Variants in IL1RAPL1 observed in about 807,000 individuals in gnomAD.
IL1RAPL1 encodes interleukin-1 receptor accessory protein-like 1.
IL1RAPL1 carries 3 observed loss-of-function variants against 48.4 expected under a neutral mutation model. The ratio of observed to expected loss-of-function variants is 0.06; its 90% CI spans 0.03 to 0.16. The LOEUF (loss-of-function observed/expected upper bound fraction) is 0.16, where lower values mean the gene tolerates loss of function less well. Among genes scored for constraint, IL1RAPL1 ranks in the 10% least tolerant of loss-of-function variants. The pLI is 1.00. For synonymous variants in IL1RAPL1, 185 were observed against 187.7 expected, an observed-to-expected ratio of 0.99 and a Z score of 0.12; for missense variants, 349 against 530.6, an observed-to-expected ratio of 0.66 and a Z score of 3.36.
intron 2 of IL1RAPL1, among the ~76,000 whole-genome samples, chrX:29,236,783 A>C (rs1394354345): frequency 9.8e-6 from 1 of 102,153 alleles, no homozygotes; most frequent in Non-Finnish European, 2.0e-5. Context: ...GTTAGCCAGG[A>C]TGGTCTCGAT....
At chrX:29,242,352 A>G in intron 2 of IL1RAPL1, among the ~76,000 whole-genome samples, 1 of 112,346 alleles carries the variant, frequency 8.9e-6, no homozygotes, top group Non-Finnish European at 1.9e-5. Context: ...GCCCCATTTA[A>G]AGATGACATT....
At chrX:28,885,208 AATT>A (rs1922599202) in intron 2 of IL1RAPL1, among the ~76,000 whole-genome samples, 2 of 111,632 alleles carry the variant, frequency 1.8e-5, no homozygotes, top group Non-Finnish European at 3.8e-5. Flanking sequence ...TAATCATTAT[AATT>A]ATTATAATCA....
intron 3 of IL1RAPL1, among the ~76,000 whole-genome samples, chrX:29,387,126 A>G (rs1014705043): frequency 9.8e-5 from 11 of 111,849 alleles, no homozygotes; most frequent in Non-Finnish European, 1.7e-4. Flanking sequence ...AGTGGTGAAG[A>G]AAGTCAAGTA....
chrX:29,528,723 C>T (rs114202600), intron 5 of IL1RAPL1, among the ~76,000 whole-genome samples: 2,558 of 111,651 alleles, frequency 0.023, 45 homozygotes, highest in African/African-American at 0.048. Context: ...TTTTTATTAA[C>T]GCAAAGGAAA....
chrX:29,910,081 A>T lies in IL1RAPL1; in HGVS notation c.779-7383A>T, dbSNP rs150996455. 4.2e-3 allele frequency among the ~76,000 whole-genome samples: 474 copies of T among 111,899 alleles called. 3 individuals carry two copies. Among genetic ancestry groups the T allele is most frequent in the Middle Eastern group, 0.028 (6 of 216 alleles). ...CATGGAATACTATGCAGCCATCAAA[A>T]AGAATGATATCATGTCCTTTGCAGC... is the stretch of plus-strand genomic sequence containing the variant. On this transcript the variant is annotated intron_variant, in intron 6 of 10. Transcript: ENST00000378993.
At chrX:29,117,143 A>C (rs181036936) in intron 2 of IL1RAPL1, among the ~76,000 whole-genome samples, 8 of 111,571 alleles carry the variant, frequency 7.2e-5, no homozygotes, top group African/African-American at 2.6e-4. Context: ...AAGAGACAGA[A>C]ACAAAACTGT....
At chrX:29,260,331 T>C (rs1235686299) in intron 2 of IL1RAPL1, among the ~76,000 whole-genome samples, 2 of 111,948 alleles carry the variant, frequency 1.8e-5, no homozygotes, top group South Asian at 7.4e-4. Flanking sequence ...ACAGAGTAAT[T>C]TATAAAGGAA....
chrX:29,430,742 A>T (rs1934412611), intron 5 of IL1RAPL1, among the ~76,000 whole-genome samples: 1 of 109,949 alleles, frequency 9.1e-6, no homozygotes, highest in African/African-American at 3.3e-5. Flanking sequence ...ATATATTTGT[A>T]TTTCGTGTGT....
intron 2 of IL1RAPL1, among the ~76,000 whole-genome samples, chrX:29,240,214 ATATATATATATTTTTTTTTTTTTTT>A (rs1931388450): frequency 7.8e-5 from 2 of 25,700 alleles, no homozygotes; most frequent in Non-Finnish European, 1.2e-4. Context: ...ATATATATAT[ATATATATATATTTTTTTTTTTTTTT>A]TTTTTTTTTT....
intron 2 of IL1RAPL1, among the ~76,000 whole-genome samples, chrX:29,216,909 T>C (rs1248862898): frequency 8.9e-6 from 1 of 112,011 alleles, no homozygotes; most frequent in Non-Finnish European, 1.9e-5. Flanking sequence ...ACGGTGACTA[T>C]GCACACAGTG....
intron 2 of IL1RAPL1, among the ~76,000 whole-genome samples, chrX:29,228,546 G>A (rs1460950043): frequency 2.7e-5 from 3 of 109,501 alleles, no homozygotes; most frequent in Admixed American, 9.8e-5. Context: ...GTAGAGATGC[G>A]GTTTCACCAT....
intron 1 of IL1RAPL1, among the ~76,000 whole-genome samples, chrX:28,658,405 C>T (rs763894574): frequency 9.0e-6 from 1 of 111,290 alleles, no homozygotes; most frequent in Non-Finnish European, 1.9e-5. Flanking sequence ...TTAGTAGAAA[C>T]GGGGTTTCAC....
chrX:29,042,229 A>C (rs1241394721), intron 2 of IL1RAPL1, among the ~76,000 whole-genome samples: 1 of 111,710 alleles, frequency 9.0e-6, no homozygotes, highest in African/African-American at 3.3e-5. Flanking sequence ...GGTAACTAAG[A>C]CTGAATGGAA....
At chrX:29,777,040 A>G (rs754724701) in intron 6 of IL1RAPL1, among the ~76,000 whole-genome samples, 1 of 111,875 alleles carries the variant, frequency 8.9e-6, no homozygotes, top group South Asian at 3.7e-4. Flanking sequence ...TTATAAATTC[A>G]CTGGTCTTTA....
chrX:29,323,032 C>A (rs1316652283), intron 3 of IL1RAPL1, among the ~76,000 whole-genome samples: 1 of 112,110 alleles, frequency 8.9e-6, no homozygotes, highest in Non-Finnish European at 1.9e-5. Flanking sequence ...TAAATGTATT[C>A]ATGATCACAG....
intron 5 of IL1RAPL1, among the ~76,000 whole-genome samples, chrX:29,492,382 A>G (rs770922400): frequency 6.7e-4 from 75 of 112,271 alleles, no homozygotes; most frequent in Non-Finnish European, 1.3e-3. Flanking sequence ...CTATAGTTCC[A>G]TAGGTCAGAA....
intron 2 of IL1RAPL1, among the ~76,000 whole-genome samples, chrX:28,887,441 A>C (rs1387835994): frequency 8.9e-6 from 1 of 112,256 alleles, no homozygotes; most frequent in Non-Finnish European, 1.9e-5. Context: ...TTTAAGGAAT[A>C]CCTAAGCACA....
At chrX:28,718,409 A>T (rs1189175570) in intron 1 of IL1RAPL1, among the ~76,000 whole-genome samples, 2 of 111,925 alleles carry the variant, frequency 1.8e-5, no homozygotes, top group African/African-American at 6.5e-5. Flanking sequence ...TTCTTACAAG[A>T]TTTATTTCAT....
intron 5 of IL1RAPL1, among the ~76,000 whole-genome samples, chrX:29,444,302 A>T (rs1461197146): frequency 1.9e-5 from 2 of 106,698 alleles, no homozygotes; most frequent in South Asian, 8.7e-4. Context: ...AGATCATGCC[A>T]TTGCACTCTA....
Sources: gnomAD v4.1 joint callset for allele counts (sites outside exome capture counted in the v4.1 genomes callset) on GRCh38, gnomAD v4.1.1 for gene constraint, MANE v1.5 for transcripts, NCBI Gene and HGNC (gene_info 2026-07-23, HGNC 2026-07-21) for gene names.